Variants in DCP2 observed in about 807,000 individuals in gnomAD.
DCP2 encodes m7GpppN-mRNA hydrolase.
A neutral mutation model predicts 56.1 loss-of-function variants in DCP2; 30 were observed. That is an observed-to-expected ratio of 0.53 (90% CI 0.40 to 0.73). DCP2 has a LOEUF of 0.73. Ranked by LOEUF, DCP2 falls within the 30% of genes least tolerant of loss-of-function variation. The probability of loss-of-function intolerance (pLI) is 0.00; values close to 1 mark genes in which losing one functional copy is unlikely to be tolerated. For missense variants in DCP2, 533 were observed against 502.7 expected (o/e 1.06, Z -0.58); for synonymous variants, 197 against 163.3 (o/e 1.21, Z -1.57).
At chr5:113,011,937 C>T (rs930065905) in intron 10 of DCP2, among the ~76,000 whole-genome samples, 1 of 152,132 alleles carries the variant, frequency 6.6e-6, no homozygotes, top group African/African-American at 2.4e-5. Context: ...ATCCAGTTTT[C>T]CCAGCACCAT....
intron 8 of DCP2, among the ~76,000 whole-genome samples, chr5:113,004,324 A>C (rs942456290): frequency 2.8e-4 from 43 of 152,246 alleles, no homozygotes; most frequent in Non-Finnish European, 5.9e-5. Flanking sequence ...TGAAAGGTTC[A>C]TTTAAAAATA....
intron 1 of DCP2, among the ~76,000 whole-genome samples, chr5:112,980,947 C>G (rs922871280): frequency 1.3e-5 from 2 of 151,938 alleles, no homozygotes; most frequent in Non-Finnish European, 2.9e-5. Context: ...GTTTACCACA[C>G]CCACTATTGC....
intron 4 of DCP2, among the ~76,000 whole-genome samples, chr5:113,000,683 G>A (rs924779408): frequency 6.6e-6 from 1 of 152,172 alleles, no homozygotes; most frequent in East Asian, 1.9e-4. Flanking sequence ...CAGACAGCTT[G>A]CATGAGTCAG....
intron 1 of DCP2, among the ~76,000 whole-genome samples, chr5:112,977,462 A>C (rs1026521080): frequency 9.2e-5 from 14 of 152,126 alleles, no homozygotes; most frequent in African/African-American, 3.4e-4. Flanking sequence ...GCAAGGAGCA[A>C]ATTTTCGGAC....
chr5:112,999,485 C>T (rs1385311165), intron 4 of DCP2, among the ~76,000 whole-genome samples: 2 of 151,954 alleles, frequency 1.3e-5, no homozygotes, highest in East Asian at 1.9e-4. Flanking sequence ...TGCGCCACCC[C>T]GCCTGGCTAA....
chr5:112,993,836 G>A (rs1030587293), intron 4 of DCP2, among the ~76,000 whole-genome samples: 1 of 151,606 alleles, frequency 6.6e-6, no homozygotes, highest in African/African-American at 2.4e-5. Context: ...TCTCTCTCTC[G>A]TGTGTGTGTG....
intron 4 of DCP2, among the ~76,000 whole-genome samples, chr5:112,993,307 CTT>C (rs1444698515): frequency 6.6e-6 from 1 of 152,134 alleles, no homozygotes; most frequent in Non-Finnish European, 1.5e-5. Flanking sequence ...TTTTCTCTCT[CTT>C]GAACTTGATT....
chr5:113,009,429 A>T (rs531517667), intron 9 of DCP2, among the ~76,000 whole-genome samples: 66 of 152,364 alleles, frequency 4.3e-4, no homozygotes, highest in African/African-American at 1.5e-3. Flanking sequence ...ATGTAAATTG[A>T]AATGAGTTAC....
intron 2 of DCP2, among the ~76,000 whole-genome samples, chr5:112,988,617 G>A (rs1748424413): frequency 6.6e-6 from 1 of 152,010 alleles, no homozygotes; most frequent in African/African-American, 2.4e-5. Flanking sequence ...AAACACTGAT[G>A]GGAGACAGAT....
At chr5:112,987,547 G>A (rs982346119) in intron 2 of DCP2, among the ~76,000 whole-genome samples, 2 of 150,498 alleles carry the variant, frequency 1.3e-5, no homozygotes, top group Non-Finnish European at 3.0e-5. Context: ...CCACCTGCAG[G>A]GTTCAAGTGA....
At chr5:112,990,807 A>G (rs995486476) in intron 2 of DCP2, among the ~76,000 whole-genome samples, 3 of 152,144 alleles carry the variant, frequency 2.0e-5, no homozygotes, top group Admixed American at 1.3e-4. Flanking sequence ...CATTTGTACT[A>G]CAACTATGAA....
In DCP2 at chr5:113,000,420, A is replaced by ACACACACACACCCC. The variant is rs112449298; in HGVS notation, c.433-659_433-658insACACACCCCCACAC. Among the ~76,000 whole-genome samples the ACACACACACACCCC allele has an allele frequency of 3.7e-3, 539 of 146,748 alleles. 14 individuals carry two copies. Among genetic ancestry groups the ACACACACACACCCC allele is most frequent in the African/African-American group, 0.012 (483 of 39,828 alleles). ...CTAATACACACACACACACACACAC[A>ACACACACACACCCC]CACACCCACACACCCTACCTGAGTT... On this transcript the variant is annotated intron_variant, in intron 4 of 10. Coordinates refer to ENST00000389063, the MANE Select transcript of DCP2 (RefSeq NM_152624.6).
At chr5:113,005,112 A>T (rs1749355995) in intron 8 of DCP2, among the ~76,000 whole-genome samples, 1 of 150,976 alleles carries the variant, frequency 6.6e-6, no homozygotes, top group Non-Finnish European at 1.5e-5. Flanking sequence ...CTGGGCAATA[A>T]GAACAAAACT....
intron 2 of DCP2, among the ~76,000 whole-genome samples, chr5:112,987,927 G>T (rs1490849112): frequency 1.3e-5 from 2 of 151,980 alleles, no homozygotes; most frequent in Non-Finnish European, 2.9e-5. Flanking sequence ...ACCTGGCCAG[G>T]TTATTGTTTT....
chr5:112,983,786 A>G (rs540862936), intron 1 of DCP2, among the ~76,000 whole-genome samples: 2 of 152,326 alleles, frequency 1.3e-5, no homozygotes, highest in Non-Finnish European at 2.9e-5. Context: ...AAAAATCTGA[A>G]TGGCTTCGAT....
At chr5:113,010,614 G>A in intron 9 of DCP2, 142 bp from the exon 10 acceptor site, 1 of 1,014,446 alleles carries the variant, frequency 9.9e-7, no homozygotes, top group Non-Finnish European at 1.3e-6. Context: ...ATACTGGTGA[G>A]AGAATGGGAT....
chr5:112,991,926 A>G (rs1426830517), intron 2 of DCP2, among the ~76,000 whole-genome samples, 195 bp from the exon 3 acceptor site: 1 of 152,164 alleles, frequency 6.6e-6, no homozygotes, highest in African/African-American at 2.4e-5. Flanking sequence ...ACAAAAACAC[A>G]GTCTGCCTCG....
chr5:112,986,459 C>G (rs891321869), intron 2 of DCP2, among the ~76,000 whole-genome samples: 1 of 151,816 alleles, frequency 6.6e-6, no homozygotes, highest in African/African-American at 2.4e-5. Context: ...CCTAGCCTCT[C>G]GAGTGGCTGT....
At chr5:113,011,292 A>C (rs558285997) in intron 10 of DCP2, among the ~76,000 whole-genome samples, 1 of 152,184 alleles carries the variant, frequency 6.6e-6, no homozygotes, top group Non-Finnish European at 1.5e-5. Context: ...GCAGTGTTCA[A>C]CTTTTTAAGG....
Sources: gnomAD v4.1 joint callset for allele counts (sites outside exome capture counted in the v4.1 genomes callset) on GRCh38, gnomAD v4.1.1 for gene constraint, MANE v1.5 for transcripts, NCBI Gene and HGNC (gene_info 2026-07-23, HGNC 2026-07-21) for gene names.